Variants in TRIQK observed in about 807,000 individuals in gnomAD.
TRIQK encodes the protein triple QxxK/R motif-containing protein.
In TRIQK, 10 loss-of-function variants were observed where a neutral mutation model predicts 10.8. The observed-to-expected ratio is 0.92, with a 90% CI of 0.57 to 1.57. TRIQK has a LOEUF of 1.57. TRIQK is among the 40% of genes most tolerant of loss of function. TRIQK has a pLI of 0.00. For synonymous variants in TRIQK, 33 were observed against 33.7 expected (o/e 0.98, Z 0.07); for missense variants, 107 against 97.7 (o/e 1.09, Z -0.40).
intron 3 of TRIQK, among the ~76,000 whole-genome samples, chr8:92,895,650 A>T (rs928834849): frequency 1.3e-5 from 2 of 152,216 alleles, no homozygotes; most frequent in African/African-American, 2.4e-5. Flanking sequence ...TGGGACCTGG[A>T]GTAAAGGCTA....
intron 1 of TRIQK, among the ~76,000 whole-genome samples, chr8:92,956,717 T>C (rs1812190652): frequency 6.6e-6 from 1 of 151,810 alleles, no homozygotes; most frequent in Admixed American, 6.6e-5. Flanking sequence ...AGCATATTAA[T>C]ACTTCATAGA....
intron 4 of TRIQK, among the ~76,000 whole-genome samples, chr8:92,889,593 A>G (rs1320975966): frequency 1.3e-5 from 2 of 151,654 alleles, no homozygotes; most frequent in African/African-American, 2.4e-5. Context: ...GCCGATGACA[A>G]ACACTGAAGG....
intron 1 of TRIQK, among the ~76,000 whole-genome samples, chr8:92,984,678 A>C (rs1813015954): frequency 6.6e-6 from 1 of 152,254 alleles, no homozygotes; most frequent in South Asian, 2.1e-4. Context: ...TTAATCAACT[A>C]AATGGAAACT....
At chr8:92,908,249 GTTTC>G (rs1341895204) in intron 3 of TRIQK, among the ~76,000 whole-genome samples, 1 of 133,888 alleles carries the variant, frequency 7.5e-6, no homozygotes, top group Non-Finnish European at 1.7e-5. Context: ...GAAGCTCACT[GTTTC>G]TTTCTTTCTC....
At chr8:92,942,727 C>T (rs1811331145) in intron 2 of TRIQK, among the ~76,000 whole-genome samples, 1 of 152,152 alleles carries the variant, frequency 6.6e-6, no homozygotes, top group African/African-American at 2.4e-5. Flanking sequence ...CAGAGTATAG[C>T]TCTGTTGCCC....
intron 1 of TRIQK, among the ~76,000 whole-genome samples, chr8:92,964,498 G>A (rs1053231273): frequency 3.4e-5 from 5 of 147,036 alleles, no homozygotes; most frequent in African/African-American, 1.3e-4. Flanking sequence ...ATATTAAAGA[G>A]GAAAAGGTGT....
At chr8:92,950,847 T>C (rs1328188748) in intron 2 of TRIQK, among the ~76,000 whole-genome samples, 1 of 152,122 alleles carries the variant, frequency 6.6e-6, no homozygotes, top group East Asian at 1.9e-4. Context: ...TACTTTTCTA[T>C]TTTCTTTTTG....
chr8:92,966,278 C>T (rs571001063), upstream of TRIQK: 2 of 152,334 alleles, frequency 1.3e-5, no homozygotes, highest in South Asian at 4.1e-4. Context: ...TGATGCCACT[C>T]CGGAGTTCTA....
chr8:92,988,268 G>A (rs895418101), intron 1 of TRIQK, among the ~76,000 whole-genome samples: 7 of 151,574 alleles, frequency 4.6e-5, no homozygotes, highest in Non-Finnish European at 5.9e-5. Flanking sequence ...CACCCGCCTC[G>A]GCCTCCCAAA....
In TRIQK at chr8:92,885,707, C is replaced by T. The variant is rs1816442421; in HGVS notation, c.*915G>A. On this transcript the variant is annotated 3_prime_UTR_variant, in exon 5 of 5. Coordinates refer to ENST00000521988, the MANE Select transcript of TRIQK (RefSeq NM_001171797.2). ...TTCTAATTGATTAAATCTCAAGAGA[C>T]AAAATGTAATTTTATAAAACAACTG... 1 of 151,630 alleles carries T rather than the reference C, an allele frequency of 6.6e-6. No individual in the cohort carries two copies. Among genetic ancestry groups the T allele is most frequent in the African/African-American group, 2.4e-5 (1 of 41,366 alleles). The allele number at this position is 151,630 out of a possible 1,614,324, so 9.4% of individuals were successfully genotyped here.
At chr8:92,975,174 G>A (rs1445124954) in intron 1 of TRIQK, among the ~76,000 whole-genome samples, 1 of 152,222 alleles carries the variant, frequency 6.6e-6, no homozygotes, top group African/African-American at 2.4e-5. Context: ...GGAGGAGCCA[G>A]GGTTTGATTT....
At chr8:93,015,164 TATAAAG>T (rs1346733096) in intron 1 of TRIQK, among the ~76,000 whole-genome samples, 1 of 151,890 alleles carries the variant, frequency 6.6e-6, no homozygotes, top group Non-Finnish European at 1.5e-5. Flanking sequence ...TGAACTAATA[TATAAAG>T]ATAGTTTTCC....
At chr8:92,894,817 G>A (rs1808507768) in intron 3 of TRIQK, among the ~76,000 whole-genome samples, 1 of 151,806 alleles carries the variant, frequency 6.6e-6, no homozygotes, top group South Asian at 2.1e-4. Context: ...ACTGTTATTT[G>A]CTCTTTGTTG....
intron 1 of TRIQK, among the ~76,000 whole-genome samples, chr8:92,955,465 T>C (rs1346037274): frequency 1.3e-5 from 2 of 151,686 alleles, no homozygotes; most frequent in Non-Finnish European, 3.0e-5. Context: ...ACTAAAACTA[T>C]AAAACATTTA....
chr8:92,931,522 G>A (rs1318036846), intron 2 of TRIQK, among the ~76,000 whole-genome samples: 1 of 152,014 alleles, frequency 6.6e-6, no homozygotes, highest in Non-Finnish European at 1.5e-5. Context: ...GTAAAGTTTG[G>A]GAAATAGAGG....
chr8:93,016,526 T>A (rs1415749439), intron 1 of TRIQK, among the ~76,000 whole-genome samples: 2 of 152,258 alleles, frequency 1.3e-5, no homozygotes, highest in African/African-American at 4.8e-5. Context: ...GCAAAAAATT[T>A]ACAAAGTTTG....
chr8:92,956,330 C>T (rs925095858), intron 1 of TRIQK, among the ~76,000 whole-genome samples: 2 of 151,502 alleles, frequency 1.3e-5, no homozygotes, highest in African/African-American at 4.8e-5. Context: ...ATGAAATGTC[C>T]AGAATGGGAA....
intron 3 of TRIQK, among the ~76,000 whole-genome samples, chr8:92,901,529 T>C (rs1338334770): frequency 3.9e-5 from 6 of 152,114 alleles, no homozygotes; most frequent in Admixed American, 3.9e-4. Context: ...CTTCATTCTA[T>C]TGATATGATG....
chr8:92,931,503 C>T (rs17760707), intron 2 of TRIQK, among the ~76,000 whole-genome samples: 5,580 of 152,228 alleles, frequency 0.037, 148 homozygotes, highest in Middle Eastern at 0.054. Context: ...CAAGAAGCAT[C>T]TGTTTCATGT....
Sources: gnomAD v4.1 joint callset for allele counts (sites outside exome capture counted in the v4.1 genomes callset) on GRCh38, gnomAD v4.1.1 for gene constraint, MANE v1.5 for transcripts, NCBI Gene and HGNC (gene_info 2026-07-23, HGNC 2026-07-21) for gene names.